RANBP2: variants seen among roughly 807,000 people sequenced by gnomAD.
RANBP2 encodes the protein RAN binding protein 2, also known as E3 SUMO-protein ligase RanBP2.
In RANBP2, 57 loss-of-function variants were observed where a neutral mutation model predicts 303.6. That is an observed-to-expected ratio of 0.19 (90% CI 0.15 to 0.23). The LOEUF (loss-of-function observed/expected upper bound fraction) is 0.23. Ranked by LOEUF, RANBP2 falls within the 10% of genes least tolerant of loss-of-function variation. RANBP2 has a pLI of 1.00. For synonymous variants in RANBP2, 1,167 were observed against 1,301.5 expected, an observed-to-expected ratio of 0.90 and a Z score of 2.23; for missense variants, 3,138 against 3,780.8, an observed-to-expected ratio of 0.83 and a Z score of 4.46.
the RANBP2 span, among the ~76,000 whole-genome samples, chr2:109,478,741 G>A: frequency 6.6e-6 from 1 of 152,210 alleles, no homozygotes; most frequent in Non-Finnish European, 1.5e-5. Context: ...TTCTTGCTCA[G>A]AGGCCATGCG....
chr2:109,151,241 G>A, the RANBP2 span, among the ~76,000 whole-genome samples: 5 of 152,262 alleles, frequency 3.3e-5, no homozygotes, highest in African/African-American at 7.2e-5. Context: ...CTTCTTGTCC[G>A]AGGCTTTTTC....
chr2:109,730,236 T>A, the RANBP2 span, among the ~76,000 whole-genome samples: 3 of 152,202 alleles, frequency 2.0e-5, no homozygotes, highest in Non-Finnish European at 4.4e-5. Context: ...GACACCTTAT[T>A]GTCCATCACA....
rs1395268254 is a variant in RANBP2 at position 108,784,396 on chromosome 2, ATAGAGT to A, written c.*498_*503del. The A allele has an allele frequency of 2.6e-5, 4 of 156,750 alleles. No homozygotes were observed. The highest frequency in any genetic ancestry group is 9.6e-5 in the African/African-American group (4 of 41,478). The allele number at this position is 156,750 out of a possible 1,614,324, so 9.7% of individuals were successfully genotyped here. ...ATGAATGGGTAGAGCCACAGAACGT[ATAGAGT>A]TAACCAAAGTGCTCTTCTCTAGAAT... On this transcript the variant is annotated 3_prime_UTR_variant, in exon 29 of 29. Transcript: ENST00000283195.
the RANBP2 span, among the ~76,000 whole-genome samples, chr2:109,598,513 CGAGAGA>C: frequency 6.6e-6 from 1 of 151,964 alleles, no homozygotes; most frequent in Non-Finnish European, 1.5e-5. Context: ...TGAGCGAGAG[CGAGAGA>C]GAACAAAAAG....
chr2:108,721,045 AAAAAAC>A lies in RANBP2; in HGVS notation c.72+1385_72+1390del, dbSNP rs961003241. Among the ~76,000 whole-genome samples, 479 of 152,302 alleles carry A rather than the reference AAAAAAC, an allele frequency of 3.1e-3. 2 individuals are homozygous for A. The highest frequency in any genetic ancestry group is 0.011 in the African/African-American group (452 of 41,568). On this transcript the variant is annotated intron_variant, in intron 1 of 28. Transcript: ENST00000283195. ...GCCTGGGCGACAGAGGGAGACTCCA[AAAAAAC>A]AAAAACAAAAACAAAAAAAACCCGG...
the RANBP2 span, among the ~76,000 whole-genome samples, chr2:109,345,970 T>G: frequency 6.6e-6 from 1 of 152,212 alleles, no homozygotes; most frequent in Non-Finnish European, 1.5e-5. Context: ...TGTCCCAAAT[T>G]AAGATTCCCT....
chr2:109,315,067 CGTTTCCATCAG>C, the RANBP2 span, among the ~76,000 whole-genome samples: 3 of 152,266 alleles, frequency 2.0e-5, no homozygotes, highest in African/African-American at 7.2e-5. Flanking sequence ...ATACACGACA[CGTTTCCATCAG>C]TGCAGAAAGT....
At chr2:108,835,493 T>C in the RANBP2 span, among the ~76,000 whole-genome samples, 1 of 152,194 alleles carries the variant, frequency 6.6e-6, no homozygotes, top group African/African-American at 2.4e-5. Flanking sequence ...AACAGCGATA[T>C]GATAACACAT....
At chr2:108,956,068 C>T in the RANBP2 span, among the ~76,000 whole-genome samples, 1 of 152,084 alleles carries the variant, frequency 6.6e-6, no homozygotes, top group African/African-American at 2.4e-5. Context: ...GATTAAAACA[C>T]TGTTCGGGCT....
At chr2:109,450,453 C>T in the RANBP2 span, among the ~76,000 whole-genome samples, 1 of 152,150 alleles carries the variant, frequency 6.6e-6, no homozygotes, top group Non-Finnish European at 1.5e-5. Context: ...ACTTCTAAAT[C>T]AGTGCTGTCC....
chr2:108,731,716 G>A (rs557209236), intron 4 of RANBP2: 230 of 730,244 alleles, frequency 3.1e-4, no homozygotes, highest in Non-Finnish European at 4.3e-4. Context: ...GGATTTTACA[G>A]TTTAGTAGCT....
the RANBP2 span, among the ~76,000 whole-genome samples, chr2:109,673,792 C>T: frequency 6.6e-6 from 1 of 152,136 alleles, no homozygotes. Flanking sequence ...AACAGTTTTC[C>T]CAGATAGCTA....
rs765951454 is a variant in RANBP2 at position 108,764,196 on chromosome 2, A to C, written c.3657A>C (p.Val1219=). ...GGAAAGAACGTGGGATTGGCAATGT[A>C]AAAATACTGAGGCATAAAACATCTG... ...KEWKERGIGN[V]KILRHKTSGK... Residue 1219 remains valine, a synonymous_variant, in exon 20 of 29, where the codon GTA becomes GTC. Coordinates refer to ENST00000283195, the MANE Select transcript of RANBP2 (RefSeq NM_006267.5). The C allele has an allele frequency of 1.9e-6, 3 of 1,614,124 alleles. No individual in the cohort carries two copies. In the East Asian group the frequency reaches 6.7e-5, roughly 36 times the overall value.
chr2:109,542,534 A>G, the RANBP2 span, among the ~76,000 whole-genome samples: 5 of 152,200 alleles, frequency 3.3e-5, no homozygotes, highest in African/African-American at 9.7e-5. Context: ...CATATGTAAC[A>G]AACACTCCCG....
the RANBP2 span, among the ~76,000 whole-genome samples, chr2:109,442,650 T>C: frequency 6.6e-6 from 1 of 152,196 alleles, no homozygotes; most frequent in Non-Finnish European, 1.5e-5. Context: ...CTTTATGTTA[T>C]GAAATCATTT....
At chr2:109,161,880 G>A in the RANBP2 span, among the ~76,000 whole-genome samples, 1 of 150,514 alleles carries the variant, frequency 6.6e-6, no homozygotes, top group African/African-American at 2.5e-5. Flanking sequence ...ACAAGGTTTG[G>A]GGGACAAATA....
the RANBP2 span, among the ~76,000 whole-genome samples, chr2:109,438,938 A>G: frequency 1.3e-5 from 2 of 152,288 alleles, no homozygotes; most frequent in Admixed American, 6.5e-5. Context: ...ATGTTTCCAC[A>G]TGCACCAGCA....
the RANBP2 span, among the ~76,000 whole-genome samples, chr2:108,877,618 G>A: frequency 1.3e-5 from 2 of 152,134 alleles, no homozygotes; most frequent in Non-Finnish European, 2.9e-5. Flanking sequence ...ACTCATGAGA[G>A]TGGATGGCAG....
the RANBP2 span, chr2:109,568,087 G>T: frequency 3.7e-6 from 3 of 813,904 alleles, no homozygotes; most frequent in Non-Finnish European, 5.7e-6. Context: ...CCTAAACCTA[G>T]ATCGGGGGGC....
Sources: allele counts gnomAD v4.1 joint callset (sites outside exome capture counted in the v4.1 genomes callset), GRCh38; gene constraint gnomAD v4.1.1; transcripts MANE v1.5; gene names NCBI Gene and HGNC (gene_info 2026-07-23, HGNC 2026-07-21).